ADGB: variants seen among roughly 807,000 people sequenced by gnomAD.
ADGB encodes androglobin.
A neutral mutation model predicts 210.5 loss-of-function variants in ADGB; 172 were observed. That is an observed-to-expected ratio of 0.82 (90% CI 0.72 to 0.93). The LOEUF is 0.93. Among genes scored for constraint, ADGB ranks in the 40% least tolerant of loss-of-function variants. The pLI is 0.00. For missense variants in ADGB, 2,025 were observed against 1,964.8 expected (o/e 1.03, Z -0.58); for synonymous variants, 658 against 662.7 (o/e 0.99, Z 0.11).
At chr6:146,690,127 C>T (rs1304573317) in intron 10 of ADGB, among the ~76,000 whole-genome samples, 1 of 152,150 alleles carries the variant, frequency 6.6e-6, no homozygotes, top group Non-Finnish European at 1.5e-5. Flanking sequence ...TCTACTATCT[C>T]ACGGGTCTCC....
At position 146,785,623 on chromosome 6, in the gene ADGB, G is replaced by T. The variant is rs965416771; in HGVS notation, c.4226G>T (p.Arg1409Leu). The T allele has an allele frequency of 6.5e-7, 1 of 1,549,860 alleles. No individual in the cohort carries two copies. The highest frequency in any genetic ancestry group is 8.7e-7 in the Non-Finnish European group (1 of 1,145,754). Residue 1409 changes from arginine to leucine, a missense_variant, in exon 32 of 36, where the codon CGT becomes CTT. Coordinates refer to ENST00000397944, the MANE Select transcript of ADGB (RefSeq NM_024694.4). ...PGRAIKASQARLHYLSGFIKK... is the reference protein window; with the variant it reads ...PGRAIKASQALLHYLSGFIKK... The stretch of plus-strand genomic sequence containing the variant: ...TTTGTTTTTTAGGCTTCTCAGGCTC[G>T]TTTGCATTACCTTAGCGGGTTCATT...
In ADGB at chr6:146,675,060, T is replaced by C. The variant is rs1386225525; in HGVS notation, c.1088-1253T>C. On this transcript the variant is annotated intron_variant, in intron 8 of 35. Transcript: ENST00000397944. The stretch of plus-strand genomic sequence containing the variant: ...CAAATAAAATTTTGATAATAAACTT[T>C]TTAAAAACAGAAACTTCTTGGTTAA... Among the ~76,000 whole-genome samples the C allele has an allele frequency of 2.6e-5, 4 of 152,274 alleles. No homozygotes were observed. The East Asian group carries it at 7.7e-4, about 29-fold the overall frequency.
intron 13 of ADGB, among the ~76,000 whole-genome samples, chr6:146,705,689 T>G (rs1205315749): frequency 6.6e-6 from 1 of 152,200 alleles, no homozygotes; most frequent in Non-Finnish European, 1.5e-5. Flanking sequence ...TAGTATTTTG[T>G]TAAGGATTTT....
At chr6:146,765,049 G>A (rs531256378) in intron 28 of ADGB, among the ~76,000 whole-genome samples, 103 of 152,108 alleles carry the variant, frequency 6.8e-4, no homozygotes, top group African/African-American at 2.3e-3. Flanking sequence ...TCCACCTGCC[G>A]TGGCCTCCCA....
At chr6:146,684,010 T>C (rs913266902) in intron 9 of ADGB, among the ~76,000 whole-genome samples, 2 of 152,094 alleles carry the variant, frequency 1.3e-5, no homozygotes, top group Non-Finnish European at 2.9e-5. Context: ...TAGATCAACC[T>C]GAACGAGCCA....
intron 10 of ADGB, among the ~76,000 whole-genome samples, chr6:146,687,417 G>A (rs543800338): frequency 8.5e-5 from 13 of 152,104 alleles, no homozygotes; most frequent in African/African-American, 1.4e-4. Context: ...ATGATAGACT[G>A]AATAAAGAAA....
At chr6:146,754,175 AT>A (rs1777366725) in intron 27 of ADGB, among the ~76,000 whole-genome samples, 1 of 151,340 alleles carries the variant, frequency 6.6e-6, no homozygotes, top group African/African-American at 2.4e-5. Context: ...ATGTATCTGC[AT>A]AAATTTGCAT....
intron 7 of ADGB, among the ~76,000 whole-genome samples, chr6:146,667,643 T>A (rs1200513331): frequency 9.2e-5 from 14 of 152,058 alleles, no homozygotes; most frequent in Admixed American, 9.2e-4. Flanking sequence ...ACAATGGTAA[T>A]TATTTATTAT....
At chr6:146,719,359 G>A (rs1351028643) in intron 16 of ADGB, among the ~76,000 whole-genome samples, 1 of 152,122 alleles carries the variant, frequency 6.6e-6, no homozygotes, top group Non-Finnish European at 1.5e-5. Context: ...ATGAAGTCAT[G>A]ATAAGCACAG....
At chr6:146,807,063 C>T (rs1411718565) in intron 35 of ADGB, among the ~76,000 whole-genome samples, 2 of 152,128 alleles carry the variant, frequency 1.3e-5, no homozygotes, top group East Asian at 1.9e-4. Flanking sequence ...TTCTTGAGCA[C>T]AGTTACTTTG....
Position 146,815,119 on chromosome 6 carries a change from G to A in ADGB, c.4906G>A (p.Glu1636Lys). The A allele has an allele frequency of 6.5e-7, 1 of 1,548,632 alleles. No homozygotes were observed. Among genetic ancestry groups the A allele is most frequent in the South Asian group, 1.2e-5 (1 of 83,614 alleles). ...KLLEAEHLKL[E>K]TLAAQEAAMK... ...GCTGGAAGCTGAGCACCTAAAGCTG[G>A]AAACTCTGGCTGCTCAGGAAGCAGC... Residue 1636 changes from glutamate (E) to lysine (K), a missense_variant, in exon 36 of 36, where the codon GAA becomes AAA. Transcript: ENST00000397944.
chr6:146,660,709 A>G (rs763513916), intron 5 of ADGB, among the ~76,000 whole-genome samples: 3 of 152,150 alleles, frequency 2.0e-5, no homozygotes, highest in Non-Finnish European at 4.4e-5. Context: ...TTTCATCTTT[A>G]TGTATATAGT....
chr6:146,707,799 A>G (rs1221848874), intron 13 of ADGB, among the ~76,000 whole-genome samples: 2 of 152,062 alleles, frequency 1.3e-5, no homozygotes, highest in African/African-American at 2.4e-5. Flanking sequence ...TTGCCACTCT[A>G]TGCCTTTTGA....
chr6:146,631,709 C>T (rs1271618179), intron 1 of ADGB, among the ~76,000 whole-genome samples: 1 of 152,030 alleles, frequency 6.6e-6, no homozygotes, highest in Non-Finnish European at 1.5e-5. Context: ...CAAAATCCTA[C>T]CTGTGGAGGC....
intron 9 of ADGB, among the ~76,000 whole-genome samples, chr6:146,679,653 G>A (rs996019470): frequency 6.6e-6 from 1 of 152,216 alleles, no homozygotes; most frequent in Non-Finnish European, 1.5e-5. Context: ...TAAACCCACA[G>A]TCTTACTCCA....
chr6:146,747,353 C>A (rs556609063), intron 26 of ADGB, among the ~76,000 whole-genome samples: 2 of 152,226 alleles, frequency 1.3e-5, no homozygotes, highest in African/African-American at 4.8e-5. Context: ...AGAAAACTAT[C>A]GTATCACATG....
At chr6:146,801,668 A>G (rs1778134694) in intron 34 of ADGB, among the ~76,000 whole-genome samples, 160 bp from the exon 35 acceptor site, 2 of 152,220 alleles carry the variant, frequency 1.3e-5, no homozygotes, top group Non-Finnish European at 1.5e-5. Flanking sequence ...GGAGCATAGC[A>G]TATCTAGAAA....
At chr6:146,679,929 G>A (rs745667516) in intron 9 of ADGB, among the ~76,000 whole-genome samples, 1 of 152,066 alleles carries the variant, frequency 6.6e-6, no homozygotes, top group Non-Finnish European at 1.5e-5. Context: ...ATTAACTATA[G>A]GGTAAGTTAG....
chr6:146,600,652 AT>A (rs1407599687), intron 1 of ADGB, among the ~76,000 whole-genome samples: 8 of 151,894 alleles, frequency 5.3e-5, no homozygotes, highest in East Asian at 1.9e-4. Flanking sequence ...TCACTGTTTT[AT>A]TTTTTTATTG....
Sources: allele counts gnomAD v4.1 joint callset (sites outside exome capture counted in the v4.1 genomes callset), GRCh38; gene constraint gnomAD v4.1.1; transcripts MANE v1.5; gene names NCBI Gene and HGNC (gene_info 2026-07-23, HGNC 2026-07-21).